COL2A1: variants seen among roughly 807,000 people sequenced by gnomAD.
COL2A1 encodes collagen alpha-1(II) chain.
Under a neutral mutation model 204.5 loss-of-function variants are expected in COL2A1, and 28 were observed. The observed-to-expected ratio is 0.14, with a 90% CI of 0.10 to 0.19. COL2A1 has a LOEUF of 0.19. COL2A1 is among the 10% of genes least tolerant of loss of function. COL2A1 has a pLI of 1.00. For synonymous variants in COL2A1, 708 were observed against 718.7 expected (o/e 0.99, Z 0.24); for missense variants, 1,388 against 2,027.5 (o/e 0.68, Z 6.06).
At chr12:47,992,219 C>T (rs973346138) in intron 16 of COL2A1, among the ~76,000 whole-genome samples, 1 of 152,192 alleles carries the variant, frequency 6.6e-6, no homozygotes, top group Admixed American at 6.5e-5. Flanking sequence ...TGCCAATCCC[C>T]TCACCCTTAA....
At chr12:47,988,171 C>G (rs1939529670) in intron 18 of COL2A1, among the ~76,000 whole-genome samples, 1 of 152,202 alleles carries the variant, frequency 6.6e-6, no homozygotes, top group African/African-American at 2.4e-5. Flanking sequence ...CAGAGCACCA[C>G]CTCACTCCCA....
At chr12:47,989,133 G>A in intron 18 of COL2A1, 95 bp downstream of exon 18, 1 of 1,028,938 alleles carries the variant, frequency 9.7e-7, no homozygotes. Context: ...TCAGAAGGGA[G>A]CAGGTGGTTG....
At chr12:47,986,245 A>T (rs1236870179) in intron 23 of COL2A1, 91 bp downstream of exon 23, 1 of 919,834 alleles carries the variant, frequency 1.1e-6, no homozygotes, top group Admixed American at 2.0e-5. Flanking sequence ...CGGAAAAGTC[A>T]CGAGACTTGA....
At chr12:48,000,208 A>T (rs1405460088) in intron 1 of COL2A1, 83 bp from the exon 2 acceptor site, 2 of 959,424 alleles carry the variant, frequency 2.1e-6, no homozygotes, top group Non-Finnish European at 3.3e-6. Flanking sequence ...GAGAGGTTGC[A>T]GTCAACTTGA....
At chr12:47,983,306 CT>C in intron 31 of COL2A1, 78 bp downstream of exon 31, 1 of 1,544,802 alleles carries the variant, frequency 6.5e-7, no homozygotes, top group South Asian at 1.1e-5. Context: ...TCCTCATGCC[CT>C]CTTGCCCTTG....
chr12:47,974,249 G>T lies in COL2A1; in HGVS notation c.4157C>A (p.Ser1386Tyr), dbSNP rs1938578457. The change falls in exon 53 of 54, where the codon TCC becomes TAC. Residue 1386 changes from serine (S) to tyrosine (Y), a missense_variant. Physicochemically the swap from Ser to Tyr is moderately radical, Grantham distance 144. Coordinates refer to ENST00000380518, the MANE Select transcript of COL2A1 (RefSeq NM_001844.5). ...TFLRLLSTEG[S>Y]QNITYHCKNS... Reference sequence around the variant, plus strand: ...CTTGCAGTGGTAGGTGATGTTCTGGGAGCCTTCCGTGGACAGCAGGCGTAG... The same window carrying T: ...CTTGCAGTGGTAGGTGATGTTCTGGTAGCCTTCCGTGGACAGCAGGCGTAG... 6.2e-7 allele frequency: 1 copy of T among 1,614,250 alleles called. No individual in the cohort carries two copies. The highest frequency in any genetic ancestry group is 8.5e-7 in the Non-Finnish European group (1 of 1,180,050).
Position 47,974,867 on chromosome 12 carries a change from A to C in COL2A1, c.3887-5T>G. On this transcript the variant is annotated splice_polypyrimidine_tract_variant and splice_region_variant and intron_variant, in intron 51 of 53. Coordinates refer to ENST00000380518, the MANE Select transcript of COL2A1 (RefSeq NM_001844.5). The stretch of plus-strand genomic sequence containing the variant: ...TGGGGTCAATCCAGTAGTCTCCTGC[A>C]GGGGGAAGAGGCAGCACCCATGGGG... 1 of 1,612,516 alleles carries C rather than the reference A, an allele frequency of 6.2e-7. No individual in the cohort carries two copies. Among genetic ancestry groups the C allele is most frequent in the Non-Finnish European group, 8.5e-7 (1 of 1,178,916 alleles).
rs1939024151 is a variant in COL2A1, at chr12:47,980,844, G to A, written c.2517+71C>T. On this transcript the variant is annotated intron_variant, in intron 38 of 53. Coordinates refer to ENST00000380518, the MANE Select transcript of COL2A1 (RefSeq NM_001844.5). The surrounding 1 kb of genome is among the most constrained non-coding windows in gnomAD (Gnocchi z 4.5). Reference sequence around the variant, plus strand: ...TCCATTTCCCTCCCTGACAAGCTCCGATGCCCGAGGGTGCTGGATGTGGAA... The same window carrying A: ...TCCATTTCCCTCCCTGACAAGCTCCAATGCCCGAGGGTGCTGGATGTGGAA... The A allele has an allele frequency of 2.0e-5, 31 of 1,524,858 alleles. No individual in the cohort carries two copies. Among genetic ancestry groups the A allele is most frequent in the Non-Finnish European group, 2.6e-5 (29 of 1,122,658 alleles). 94.5% of individuals were successfully genotyped at this position (1,524,858 alleles called of 1,614,324 possible). A position where few individuals can be genotyped will look rare whatever the true frequency, so the allele number is the denominator to read the frequency against.
chr12:47,985,496 C>T lies in COL2A1; in HGVS notation c.1734+38G>A, dbSNP rs773014432. 9 of 1,602,870 alleles carry T rather than the reference C, an allele frequency of 5.6e-6. No homozygotes were observed. The African/African-American group carries it at 9.4e-5, about 17-fold the overall frequency. On this transcript the variant is annotated intron_variant, in intron 26 of 53. Coordinates refer to ENST00000380518, the MANE Select transcript of COL2A1 (RefSeq NM_001844.5). Reference sequence around the variant, plus strand: ...TTTCCCTTGCTTCCCCAGGGAGATCCCCCCACCCTCCTAGCAGCCCTCAGA... The same window carrying T: ...TTTCCCTTGCTTCCCCAGGGAGATCTCCCCACCCTCCTAGCAGCCCTCAGA...
Position 47,982,817 on chromosome 12 carries a change from G to A in COL2A1, c.2193+31C>T, listed in dbSNP as rs372836570. 33 of 1,581,502 alleles carry A rather than the reference G, an allele frequency of 2.1e-5. No homozygotes were observed. The African/African-American group carries it at 3.2e-4, about 15-fold the overall frequency. On this transcript the variant is annotated intron_variant, in intron 33 of 53. Coordinates refer to ENST00000380518, the MANE Select transcript of COL2A1 (RefSeq NM_001844.5). Reference sequence around the variant, plus strand: ...CTCAGTGGGACTCCCAGGCTACCACGAAGACCCCTACAGGATGCAGCCTCA... The same window carrying A: ...CTCAGTGGGACTCCCAGGCTACCACAAAGACCCCTACAGGATGCAGCCTCA...
chr12:47,984,738 T>C, intron 27 of COL2A1, 139 bp from the exon 28 acceptor site: 2 of 869,274 alleles, frequency 2.3e-6, no homozygotes, highest in Non-Finnish European at 3.8e-6. Flanking sequence ...CCTTCTCTTC[T>C]GTTCAGGGGC....
At position 47,999,923 on chromosome 12, in the gene COL2A1, G is replaced by A; in HGVS notation, c.288C>T (p.Ala96=). The A allele has an allele frequency of 6.2e-7, 1 of 1,613,432 alleles. No homozygotes were observed. The highest frequency in any genetic ancestry group is 8.5e-7 in the Non-Finnish European group (1 of 1,179,338). ...CPICPTDLAT[A]SGQPGPKGQK... ...AGGAAATAAATAAATTACAACCACT[G>A]GCAGTGGCGAGGTCAGTTGGGCAGA... Residue 96 remains alanine (A), a synonymous_variant, in exon 2 of 54, where the codon GCC becomes GCT. Transcript: ENST00000380518.
Position 47,976,233 on chromosome 12 carries a change from A to G in COL2A1, c.3490-163T>C, listed in dbSNP as rs1291340146. On this transcript the variant is annotated intron_variant, in intron 49 of 53. Coordinates refer to ENST00000380518, the MANE Select transcript of COL2A1 (RefSeq NM_001844.5). The surrounding 1 kb of genome is among the most constrained non-coding windows in gnomAD (Gnocchi z 4.3). Reference sequence around the variant, plus strand: ...TAAGTTGGTCTCTATTTGGCCAAGAACCAGCAGGATAGCTCCATGGCTTGC... The same window carrying G: ...TAAGTTGGTCTCTATTTGGCCAAGAGCCAGCAGGATAGCTCCATGGCTTGC... Among the ~76,000 whole-genome samples the G allele has an allele frequency of 6.6e-6, 1 of 152,244 alleles. No homozygotes were observed. Among genetic ancestry groups the G allele is most frequent in the East Asian group, 1.9e-4 (1 of 5,202 alleles).
intron 16 of COL2A1, among the ~76,000 whole-genome samples, chr12:47,991,665 G>A (rs1430167049): frequency 6.6e-6 from 1 of 152,228 alleles, no homozygotes; most frequent in Non-Finnish European, 1.5e-5. Flanking sequence ...AACCAACAGA[G>A]AGAACCAAGA....
At position 47,978,297 on chromosome 12, in the gene COL2A1, G is replaced by A. The variant is rs370412811; in HGVS notation, c.2997C>T (p.Gly999=). Residue 999 remains glycine, a synonymous_variant, in exon 43 of 54, where the codon GGC becomes GGT. Coordinates refer to ENST00000380518, the MANE Select transcript of COL2A1 (RefSeq NM_001844.5). The surrounding 1 kb of genome is among the most constrained non-coding windows in gnomAD (Gnocchi z 5.5). ...AGGGATACCCCACACTCACCGACGG[G>A]CCAGGCAAGCCAGGGAATCCTCTCT... ...RGERGFPGLP[G]PSGEPGKQGA... 8 of 1,613,906 alleles carry A rather than the reference G, an allele frequency of 5.0e-6. No individual in the cohort carries two copies. In the East Asian group the frequency reaches 1.6e-4, roughly 31 times the overall value.
intron 26 of COL2A1, among the ~76,000 whole-genome samples, chr12:47,985,313 C>G (rs111511885): frequency 3.3e-5 from 5 of 152,162 alleles, no homozygotes; most frequent in African/African-American, 1.2e-4. Context: ...TCATCATTCC[C>G]CCAAGGATAA....
In COL2A1 at chr12:47,983,724, C is replaced by A; in HGVS notation, c.1954G>T (p.Glu652Ter). Reference protein sequence around the residue: ...GPPGPAGPAGERGEQGAPGPS... With the variant: ...GPPGPAGPAG The stretch of plus-strand genomic sequence containing the variant: ...CCAGGAGCACCCTGCTCGCCTCGTT[C>A]ACCAGCAGGTCCCTGCAGTGGAAAA... The change falls in exon 30 of 54, where the codon GAA becomes TAA. Residue 652 changes from glutamate to a stop codon, truncating the protein, a stop_gained. Transcript: ENST00000380518. LOFTEE classifies it high-confidence loss of function. The A allele has an allele frequency of 6.3e-7, 1 of 1,593,888 alleles. No homozygotes were observed. Among genetic ancestry groups the A allele is most frequent in the African/African-American group, 1.3e-5 (1 of 74,766 alleles).
In COL2A1 at chr12:47,977,993, G is replaced by A. The variant is rs369067534; in HGVS notation, c.3111+17C>T. ...CTCTCCCCAATCAGGGCCACCCCAG[G>A]GGGTCTCACTGCTCACCTCTCGTCC... On this transcript the variant is annotated intron_variant, in intron 44 of 53. Coordinates refer to ENST00000380518, the MANE Select transcript of COL2A1 (RefSeq NM_001844.5). 1.8e-5 allele frequency: 29 copies of A among 1,609,912 alleles called. No homozygotes were observed. The highest frequency in any genetic ancestry group is 2.5e-5 in the Non-Finnish European group (29 of 1,177,254).
At chr12:47,974,918 C>T in intron 51 of COL2A1, 56 bp from the exon 52 acceptor site, 2 of 1,555,970 alleles carry the variant, frequency 1.3e-6, no homozygotes, top group Admixed American at 1.8e-5. Flanking sequence ...GACACAAAAG[C>T]TTGAGAGACC....
Sources: gnomAD v4.1 joint callset for allele counts (sites outside exome capture counted in the v4.1 genomes callset) on GRCh38, gnomAD v4.1.1 for gene constraint, Gnocchi (gnomAD v3.1) non-coding constraint, MANE v1.5 for transcripts, NCBI Gene and HGNC (gene_info 2026-07-23, HGNC 2026-07-21) for gene names.